Variants in COL4A6 observed in about 807,000 individuals in gnomAD.
COL4A6 encodes collagen type IV alpha 6 chain.
Under a neutral mutation model 126.7 loss-of-function variants are expected in COL4A6, and 59 were observed. The observed-to-expected ratio is 0.47, with a 90% CI of 0.38 to 0.58. The LOEUF is 0.58. Among genes scored for constraint, COL4A6 ranks in the 20% least tolerant of loss-of-function variants. The probability of loss-of-function intolerance (pLI) is 0.00; values close to 1 mark genes in which losing one functional copy is unlikely to be tolerated. For synonymous variants in COL4A6, 547 were observed against 496.6 expected (o/e 1.10, Z -1.35); for missense variants, 1,285 against 1,337.3 (o/e 0.96, Z 0.61).
intron 3 of COL4A6, among the ~76,000 whole-genome samples, chrX:108,300,936 A>G (rs967432919): frequency 6.2e-5 from 7 of 112,437 alleles, no homozygotes; most frequent in African/African-American, 2.3e-4. Flanking sequence ...CTAAAAGTAA[A>G]GATGGTCATT....
rs772246013 is a variant in COL4A6 at position 108,418,573 on chromosome X, T to A, written c.63+19369A>T. Among the ~76,000 whole-genome samples, 20 of 112,166 alleles carry A rather than the reference T, an allele frequency of 1.8e-4. No homozygotes were observed. In the South Asian group the frequency reaches 7.0e-3, roughly 39 times the overall value. ...GAAAATGTTATGGAAAATGTCTCTA[T>A]CATGGCAGATATACCATAAGTAAAA... On this transcript the variant is annotated intron_variant, in intron 2 of 44. Coordinates refer to ENST00000334504, the MANE Select transcript of COL4A6 (RefSeq NM_033641.4).
intron 12 of COL4A6, 69 bp from the exon 13 acceptor site, chrX:108,203,050 A>G (rs776074806): frequency 1.0e-4 from 95 of 914,487 alleles, no homozygotes; most frequent in Non-Finnish European, 1.4e-4. Context: ...ATGGCTCTCC[A>G]CATGTACTTG....
intron 23 of COL4A6, among the ~76,000 whole-genome samples, chrX:108,182,909 A>G (rs997582502): frequency 8.9e-6 from 1 of 112,852 alleles, no homozygotes; most frequent in Non-Finnish European, 1.9e-5. Context: ...CCAGATAAAA[A>G]CAAAGCCTTT....
At chrX:108,271,734 C>T (rs1156877223) in intron 3 of COL4A6, among the ~76,000 whole-genome samples, 4 of 111,794 alleles carry the variant, frequency 3.6e-5, no homozygotes, top group Admixed American at 9.5e-5. Flanking sequence ...AAATCATACT[C>T]TATTGGCGGT....
chrX:108,342,962 C>T (rs976947362), intron 2 of COL4A6, among the ~76,000 whole-genome samples: 9 of 108,585 alleles, frequency 8.3e-5, no homozygotes, highest in Non-Finnish European at 1.7e-4. Flanking sequence ...CCTCATGGAA[C>T]TTACATGACT....
At chrX:108,176,410 A>T (rs1208963786) in intron 28 of COL4A6, among the ~76,000 whole-genome samples, 1 of 109,476 alleles carries the variant, frequency 9.1e-6, no homozygotes, top group East Asian at 2.8e-4. Context: ...CCAGGAGGCA[A>T]GGAGATGAGC....
At chrX:108,324,353 T>C (rs775112769) in intron 2 of COL4A6, among the ~76,000 whole-genome samples, 2 of 111,870 alleles carry the variant, frequency 1.8e-5, no homozygotes, top group African/African-American at 6.5e-5. Flanking sequence ...AGGAGACAAA[T>C]ACAGGTCATT....
At chrX:108,390,552 G>A in intron 2 of COL4A6, among the ~76,000 whole-genome samples, 1 of 108,670 alleles carries the variant, frequency 9.2e-6, no homozygotes, top group East Asian at 2.9e-4. Flanking sequence ...GCTTCACAAA[G>A]TTCTCATGTT....
At position 108,196,534 on chromosome X, in the gene COL4A6, T is replaced by TTCCCTTTTCTCCCTTTTC. The variant is rs772506311; in HGVS notation, c.862_879dup (p.Glu288_Gly293dup). The TTCCCTTTTCTCCCTTTTC allele has an allele frequency of 2.2e-5, 27 of 1,207,245 alleles. No homozygotes were observed. Among genetic ancestry groups the TTCCCTTTTCTCCCTTTTC allele is most frequent in the African/African-American group, 5.3e-5 (3 of 57,105 alleles). On this transcript the variant is annotated inframe_insertion, in exon 14 of 45. Transcript: ENST00000334504. ...ACCCTAGGTCCTGGCAAACCAGGGA[T>TTCCCTTTTCTCCCTTTTC]TCCCTTTTCTCCCTTTTCTCCCTTT...
Position 108,273,736 on chromosome X carries a change from G to A in COL4A6, c.144+37012C>T, listed in dbSNP as rs751952149. Reference sequence around the variant, plus strand: ...TAAAAGTGTTTCTAGGTGATTCCAAGGCTGAGTACCATGGATCCAGATGAT... The same window carrying A: ...TAAAAGTGTTTCTAGGTGATTCCAAAGCTGAGTACCATGGATCCAGATGAT... On this transcript the variant is annotated intron_variant, in intron 3 of 44. Transcript: ENST00000334504. Among the ~76,000 whole-genome samples the A allele has an allele frequency of 3.6e-5, 4 of 111,946 alleles. No individual in the cohort carries two copies. In the East Asian group the frequency reaches 1.1e-3, roughly 32 times the overall value.
At chrX:108,401,007 G>A (rs2041077393) in intron 2 of COL4A6, among the ~76,000 whole-genome samples, 1 of 111,215 alleles carries the variant, frequency 9.0e-6, no homozygotes. Flanking sequence ...AATTTTTCAA[G>A]GTTTTGTCTC....
At chrX:108,382,305 G>A (rs1007320200) in intron 2 of COL4A6, among the ~76,000 whole-genome samples, 4 of 111,945 alleles carry the variant, frequency 3.6e-5, no homozygotes, top group Non-Finnish European at 7.5e-5. Flanking sequence ...TAGTTTTCTC[G>A]TATCTACCCA....
At chrX:108,410,416 T>C (rs763457009) in intron 2 of COL4A6, among the ~76,000 whole-genome samples, 19 of 111,289 alleles carry the variant, frequency 1.7e-4, no homozygotes, top group Non-Finnish European at 3.0e-4. Context: ...ATAAAACAGA[T>C]AGATAATATC....
intron 2 of COL4A6, among the ~76,000 whole-genome samples, chrX:108,353,169 A>T (rs1334899989): frequency 9.0e-6 from 1 of 111,468 alleles, no homozygotes; most frequent in Non-Finnish European, 1.9e-5. Context: ...CCTGGGTTCT[A>T]CTCCTAGAAG....
At chrX:108,376,873 G>T (rs2040445515) in intron 2 of COL4A6, among the ~76,000 whole-genome samples, 1 of 112,549 alleles carries the variant, frequency 8.9e-6, no homozygotes, top group South Asian at 3.7e-4. Flanking sequence ...AATTTGAAGG[G>T]CTGGGTTGCC....
At chrX:108,280,682 A>T (rs2037785196) in intron 3 of COL4A6, among the ~76,000 whole-genome samples, 1 of 111,563 alleles carries the variant, frequency 9.0e-6, no homozygotes, top group East Asian at 2.8e-4. Flanking sequence ...CCGGGCAGAG[A>T]CACAACCAAA....
intron 2 of COL4A6, among the ~76,000 whole-genome samples, chrX:108,324,469 A>G (rs2147952034): frequency 1.8e-5 from 2 of 112,152 alleles, no homozygotes; most frequent in Admixed American, 1.9e-4. Flanking sequence ...TAGCTATGAA[A>G]GAACAACACT....
At chrX:108,206,743 C>T in intron 8 of COL4A6, 163 bp from the exon 9 acceptor site, 2 of 545,620 alleles carry the variant, frequency 3.7e-6, no homozygotes, top group Non-Finnish European at 6.6e-6. Flanking sequence ...CAAGGATAAA[C>T]TCTGATAGAT....
intron 3 of COL4A6, among the ~76,000 whole-genome samples, chrX:108,256,769 A>G (rs1253919683): frequency 9.0e-6 from 1 of 111,170 alleles, no homozygotes; most frequent in African/African-American, 3.3e-5. Flanking sequence ...CAAGCCCAGC[A>G]GGTGATTCAG....
Sources: gnomAD v4.1 joint callset for allele counts (sites outside exome capture counted in the v4.1 genomes callset) on GRCh38, gnomAD v4.1.1 for gene constraint, MANE v1.5 for transcripts, NCBI Gene and HGNC (gene_info 2026-07-23, HGNC 2026-07-21) for gene names.